Variants in CNTN5 observed in about 807,000 individuals in gnomAD.
CNTN5 encodes contactin-5.
In CNTN5, 77 loss-of-function variants were observed where a neutral mutation model predicts 129.1. The ratio of observed to expected loss-of-function variants is 0.60; its 90% CI spans 0.50 to 0.72. CNTN5 has a LOEUF of 0.72. Among genes scored for constraint, CNTN5 ranks in the 30% least tolerant of loss-of-function variants. CNTN5 has a pLI of 0.00. For missense variants in CNTN5, 1,478 were observed against 1,328.8 expected (o/e 1.11, Z -1.75); for synonymous variants, 509 against 465.6 (o/e 1.09, Z -1.20).
At chr11:99,589,304 C>A (rs926605625) in intron 3 of CNTN5, among the ~76,000 whole-genome samples, 3 of 152,124 alleles carry the variant, frequency 2.0e-5, no homozygotes, top group African/African-American at 7.2e-5. Flanking sequence ...ATGCAAAATG[C>A]AATAATTTGG....
intron 1 of CNTN5, among the ~76,000 whole-genome samples, chr11:99,168,716 A>G (rs1486543075): frequency 6.6e-6 from 1 of 152,248 alleles, no homozygotes; most frequent in Non-Finnish European, 1.5e-5. Context: ...ACAACACAGA[A>G]CAATACTGGT....
At chr11:99,431,583 T>C (rs1943372710) in intron 2 of CNTN5, among the ~76,000 whole-genome samples, 2 of 152,178 alleles carry the variant, frequency 1.3e-5, no homozygotes, top group South Asian at 4.1e-4. Flanking sequence ...GCATTGTAGA[T>C]AGCCCAGGCT....
chr11:99,829,560 C>T (rs557768817), intron 4 of CNTN5, among the ~76,000 whole-genome samples: 7 of 152,240 alleles, frequency 4.6e-5, no homozygotes, highest in Admixed American at 3.9e-4. Flanking sequence ...TGCTCATTGG[C>T]GTTGAGCAAC....
At position 99,873,141 on chromosome 11, in the gene CNTN5, C is replaced by A. The variant is rs1948546425; in HGVS notation, c.577+27879C>A. 3.9e-5 allele frequency among the ~76,000 whole-genome samples: 6 copies of A among 152,146 alleles called. No individual in the cohort carries two copies. In the South Asian group the frequency reaches 1.2e-3, roughly 31 times the overall value. ...TCGGCGATAGTTTCAGTAGCTGTGC[C>A]ACATCCCAATCTCAGACCTCTCTCA... On this transcript the variant is annotated intron_variant, in intron 6 of 24. Transcript: ENST00000524871.
intron 1 of CNTN5, among the ~76,000 whole-genome samples, chr11:99,280,012 T>A (rs1863622407): frequency 6.6e-6 from 1 of 151,350 alleles, no homozygotes; most frequent in Non-Finnish European, 1.5e-5. Context: ...AGAAAAAAAA[T>A]CAGGATATTT....
chr11:100,194,835 A>AT, intron 15 of CNTN5, among the ~76,000 whole-genome samples: 1 of 150,458 alleles, frequency 6.6e-6, no homozygotes, highest in East Asian at 2.1e-4. Context: ...TCTTTGTTGC[A>AT]TTTTCCAATG....
chr11:99,702,934 T>G (rs1179775394), intron 3 of CNTN5, among the ~76,000 whole-genome samples: 1 of 150,964 alleles, frequency 6.6e-6, no homozygotes, highest in Admixed American at 6.6e-5. Context: ...TATATAAGGA[T>G]GAAGTGTGTT....
intron 1 of CNTN5, among the ~76,000 whole-genome samples, chr11:99,057,869 A>G (rs1279937849): frequency 5.3e-5 from 8 of 151,562 alleles, no homozygotes; most frequent in Admixed American, 4.0e-4. Flanking sequence ...TGAAATAGGT[A>G]GAAAAGACAT....
intron 3 of CNTN5, among the ~76,000 whole-genome samples, chr11:99,734,832 C>A (rs986929263): frequency 2.0e-5 from 3 of 152,032 alleles, no homozygotes; most frequent in Non-Finnish European, 4.4e-5. Flanking sequence ...CCCCGTGAAA[C>A]CCCGTCTCTA....
chr11:100,252,256 G>C (rs1949977791), intron 16 of CNTN5, among the ~76,000 whole-genome samples: 1 of 151,974 alleles, frequency 6.6e-6, no homozygotes, highest in African/African-American at 2.4e-5. Flanking sequence ...TTTTTTAATA[G>C]CGTTGTTTGT....
At chr11:99,573,143 A>G (rs1025121248) in intron 3 of CNTN5, among the ~76,000 whole-genome samples, 19 of 151,832 alleles carry the variant, frequency 1.3e-4, no homozygotes, top group Admixed American at 5.9e-4. Context: ...CCAAGAAGCT[A>G]CTCTGTTTTG....
At chr11:99,658,961 G>A (rs1207292477) in intron 3 of CNTN5, among the ~76,000 whole-genome samples, 2 of 151,004 alleles carry the variant, frequency 1.3e-5, no homozygotes, top group Admixed American at 1.3e-4. Context: ...CTTCCTTTAG[G>A]ATCAATCTCC....
intron 9 of CNTN5, among the ~76,000 whole-genome samples, chr11:100,010,885 T>C (rs1250877822): frequency 6.6e-6 from 1 of 152,044 alleles, no homozygotes; most frequent in Non-Finnish European, 1.5e-5. Flanking sequence ...CCTCCATTAA[T>C]CCTCCCTGCT....
At chr11:99,034,324 G>T (rs927266111) in intron 1 of CNTN5, among the ~76,000 whole-genome samples, 10 of 151,864 alleles carry the variant, frequency 6.6e-5, no homozygotes, top group Non-Finnish European at 1.0e-4. Context: ...CTATTGATTG[G>T]AATAGTTTCA....
At chr11:99,865,504 A>G (rs1948331188) in intron 6 of CNTN5, among the ~76,000 whole-genome samples, 1 of 151,862 alleles carries the variant, frequency 6.6e-6, no homozygotes, top group Admixed American at 6.6e-5. Context: ...AACAAAATAT[A>G]TATATTGAAA....
intron 9 of CNTN5, among the ~76,000 whole-genome samples, chr11:100,058,111 A>G (rs569102697): frequency 6.6e-6 from 1 of 152,272 alleles, no homozygotes; most frequent in South Asian, 2.1e-4. Flanking sequence ...ATTACAATTT[A>G]TATAACTTGC....
chr11:99,669,240 G>T (rs1443585683), intron 3 of CNTN5, among the ~76,000 whole-genome samples: 1 of 152,072 alleles, frequency 6.6e-6, no homozygotes, highest in Non-Finnish European at 1.5e-5. Flanking sequence ...AATAAGACTT[G>T]AATGAATCTT....
intron 1 of CNTN5, among the ~76,000 whole-genome samples, chr11:99,048,004 G>T (rs1242169037): frequency 6.6e-6 from 1 of 151,624 alleles, no homozygotes; most frequent in African/African-American, 2.4e-5. Flanking sequence ...ATGAAAAAAA[G>T]CAGTATATTT....
At chr11:100,263,243 A>G (rs536249092) in intron 17 of CNTN5, among the ~76,000 whole-genome samples, 110 of 152,260 alleles carry the variant, frequency 7.2e-4, no homozygotes, top group African/African-American at 1.9e-3. Context: ...TTTTTGTTTT[A>G]AACTCTAATG....
Sources: gnomAD v4.1 joint callset for allele counts (sites outside exome capture counted in the v4.1 genomes callset) on GRCh38, gnomAD v4.1.1 for gene constraint, MANE v1.5 for transcripts, NCBI Gene and HGNC (gene_info 2026-07-23, HGNC 2026-07-21) for gene names.